The following ZNF385B variants were observed in gnomAD, a reference collection of about 807,000 sequenced individuals.
The protein encoded by ZNF385B is zinc finger protein 533.
In ZNF385B, 23 loss-of-function variants were observed where a neutral mutation model predicts 39.2. The ratio of observed to expected loss-of-function variants is 0.59; its 90% CI spans 0.42 to 0.83. The LOEUF (loss-of-function observed/expected upper bound fraction) is 0.83, where lower values mean the gene tolerates loss of function less well. Among genes scored for constraint, ZNF385B ranks in the 40% least tolerant of loss-of-function variants. The pLI is 0.00. For synonymous variants in ZNF385B, 205 were observed against 222.6 expected, an observed-to-expected ratio of 0.92 and a Z score of 0.70; for missense variants, 552 against 598.9, an observed-to-expected ratio of 0.92 and a Z score of 0.82.
intron 1 of ZNF385B, among the ~76,000 whole-genome samples, chr2:179,831,660 T>A (rs1379183072): frequency 2.0e-5 from 3 of 152,226 alleles, no homozygotes; most frequent in Non-Finnish European, 2.9e-5. Flanking sequence ...AGTGCTCTCA[T>A]GGGCCCATAA....
intron 1 of ZNF385B, among the ~76,000 whole-genome samples, chr2:179,827,063 T>C (rs1707719982): frequency 6.6e-6 from 1 of 152,216 alleles, no homozygotes; most frequent in Non-Finnish European, 1.5e-5. Context: ...AAGAGACTGA[T>C]AGAGTCTTCA....
intron 5 of ZNF385B, among the ~76,000 whole-genome samples, chr2:179,503,735 T>G (rs945005441): frequency 6.6e-6 from 1 of 151,782 alleles, no homozygotes; most frequent in Non-Finnish European, 1.5e-5. Context: ...GTGTTTGTTT[T>G]TTTGTCCTTG....
chr2:179,753,187 G>C (rs1702788566), intron 3 of ZNF385B, among the ~76,000 whole-genome samples: 1 of 152,282 alleles, frequency 6.6e-6, no homozygotes, highest in South Asian at 2.1e-4. Context: ...TTGTTAAATA[G>C]GGAATCATTT....
intron 6 of ZNF385B, among the ~76,000 whole-genome samples, chr2:179,466,524 C>T (rs1330012117): frequency 6.6e-6 from 1 of 152,018 alleles, no homozygotes; most frequent in Non-Finnish European, 1.5e-5. Flanking sequence ...GCCCAAGAAC[C>T]CATCTCTGCA....
chr2:179,696,444 G>A (rs546167968), intron 3 of ZNF385B, among the ~76,000 whole-genome samples: 1 of 148,816 alleles, frequency 6.7e-6, no homozygotes, highest in Non-Finnish European at 1.5e-5. Flanking sequence ...AAGGACTGGT[G>A]GTGAGAAAGC....
At chr2:179,521,054 G>A (rs1490530153) in intron 4 of ZNF385B, among the ~76,000 whole-genome samples, 1 of 150,034 alleles carries the variant, frequency 6.7e-6, no homozygotes, top group Non-Finnish European at 1.5e-5. Context: ...CAAGTTCTTA[G>A]TAGACTATTG....
At chr2:179,801,157 GA>G (rs1275385835) in intron 1 of ZNF385B, among the ~76,000 whole-genome samples, 1 of 152,038 alleles carries the variant, frequency 6.6e-6, no homozygotes, top group East Asian at 1.9e-4. Context: ...AGGAGGTAAT[GA>G]GGCAAATATA....
rs1022436521 is a variant in ZNF385B at position 179,555,141 on chromosome 2, G to C, written c.299-10172C>G. Among the ~76,000 whole-genome samples, 3 of 149,674 alleles carry C rather than the reference G, an allele frequency of 2.0e-5. 1 individual carries two copies. Among genetic ancestry groups the C allele is most frequent in the African/African-American group, 7.5e-5 (3 of 39,866 alleles). On this transcript the variant is annotated intron_variant, in intron 3 of 9. Coordinates refer to ENST00000410066, the MANE Select transcript of ZNF385B (RefSeq NM_152520.6). Reference sequence around the variant, plus strand: ...TTGCATGATGAAACATTCATGCAATGACATACAGCAATGAGAACAAATGGC... The same window carrying C: ...TTGCATGATGAAACATTCATGCAATCACATACAGCAATGAGAACAAATGGC...
At chr2:179,575,012 A>G (rs1057254591) in intron 3 of ZNF385B, among the ~76,000 whole-genome samples, 2 of 152,104 alleles carry the variant, frequency 1.3e-5, no homozygotes, top group African/African-American at 4.8e-5. Flanking sequence ...AGGTACCAAC[A>G]TCGGTCTTCT....
chr2:179,783,574 A>G (rs1704802339), intron 1 of ZNF385B, among the ~76,000 whole-genome samples: 2 of 152,212 alleles, frequency 1.3e-5, no homozygotes, highest in South Asian at 4.1e-4. Context: ...AATATCTGCA[A>G]ACTATACATC....
chr2:179,751,106 T>C (rs1702642446), intron 3 of ZNF385B, among the ~76,000 whole-genome samples: 1 of 152,070 alleles, frequency 6.6e-6, no homozygotes, highest in South Asian at 2.1e-4. Flanking sequence ...TATATTTAAG[T>C]AGTAATTTTT....
At chr2:179,603,296 G>A (rs188535828) in intron 3 of ZNF385B, among the ~76,000 whole-genome samples, 19 of 152,230 alleles carry the variant, frequency 1.2e-4, no homozygotes, top group African/African-American at 3.6e-4. Context: ...GAGAGATAGC[G>A]TGTCTCTCAT....
At chr2:179,668,490 C>A (rs1695471274) in intron 3 of ZNF385B, among the ~76,000 whole-genome samples, 1 of 152,102 alleles carries the variant, frequency 6.6e-6, no homozygotes. Flanking sequence ...TTTCATTAGT[C>A]ATTAACCCTC....
intron 3 of ZNF385B, among the ~76,000 whole-genome samples, chr2:179,693,096 C>G (rs79142188): frequency 0.039 from 5,915 of 152,304 alleles, 159 homozygotes; most frequent in Middle Eastern, 0.054. Flanking sequence ...TAGAACAACT[C>G]TAGTCAGGCA....
At chr2:179,841,966 G>C (rs964918518) in intron 1 of ZNF385B, among the ~76,000 whole-genome samples, 2 of 152,120 alleles carry the variant, frequency 1.3e-5, no homozygotes, top group Admixed American at 6.5e-5. Context: ...AATTACTTAA[G>C]AACACAGATA....
chr2:179,643,438 A>G (rs1376466949), intron 3 of ZNF385B, among the ~76,000 whole-genome samples: 1 of 152,194 alleles, frequency 6.6e-6, no homozygotes, highest in East Asian at 1.9e-4. Context: ...TCACTGAGAC[A>G]GTTTCAGATT....
chr2:179,457,418 A>G (rs1273088933), intron 6 of ZNF385B, among the ~76,000 whole-genome samples: 2 of 152,122 alleles, frequency 1.3e-5, no homozygotes, highest in South Asian at 2.1e-4. Flanking sequence ...TTGGGCCACA[A>G]GATATTCATA....
At position 179,671,023 on chromosome 2, in the gene ZNF385B, G is replaced by T. The variant is rs982800281; in HGVS notation, c.298+98480C>A. 7.9e-5 allele frequency among the ~76,000 whole-genome samples: 12 copies of T among 152,222 alleles called. 1 individual carries two copies. Among genetic ancestry groups the T allele is most frequent in the African/African-American group, 2.4e-4 (10 of 41,452 alleles). On this transcript the variant is annotated intron_variant, in intron 3 of 9. Coordinates refer to ENST00000410066, the MANE Select transcript of ZNF385B (RefSeq NM_152520.6). ...CACCCACCTCACAGAATTGTTGAAAGAATTAAATGAGATACTACATGTGAA... is the reference window on the plus strand; with the variant it reads ...CACCCACCTCACAGAATTGTTGAAATAATTAAATGAGATACTACATGTGAA...
intron 1 of ZNF385B, among the ~76,000 whole-genome samples, chr2:179,806,785 C>A (rs757159709): frequency 6.6e-6 from 1 of 152,170 alleles, no homozygotes; most frequent in South Asian, 2.1e-4. Flanking sequence ...GCTTTTACAT[C>A]CAGCTCTTAA....
Sources: gnomAD v4.1 joint callset for allele counts (sites outside exome capture counted in the v4.1 genomes callset) on GRCh38, gnomAD v4.1.1 for gene constraint, MANE v1.5 for transcripts, NCBI Gene and HGNC (gene_info 2026-07-23, HGNC 2026-07-21) for gene names.